MEGF11: variants seen among roughly 807,000 people sequenced by gnomAD.
MEGF11 encodes multiple epidermal growth factor-like domains protein 11.
In MEGF11, 126 loss-of-function variants were observed where a neutral mutation model predicts 146.6. The observed-to-expected ratio is 0.86, with a 90% confidence interval of 0.74 to 1.00. The LOEUF (loss-of-function observed/expected upper bound fraction) is 1.00. MEGF11 is among the 50% of genes least tolerant of loss of function. MEGF11 has a pLI of 0.00. For missense variants in MEGF11, 1,509 were observed against 1,521.2 expected (o/e 0.99, Z 0.13); for synonymous variants, 532 against 583.4 (o/e 0.91, Z 1.27).
chr15:66,068,968 C>T lies in MEGF11; in HGVS notation c.394+25434G>A, dbSNP rs1352003161. Among the ~76,000 whole-genome samples the T allele has an allele frequency of 5.3e-5, 8 of 152,226 alleles. No homozygotes were observed. The East Asian group carries it at 7.7e-4, about 15-fold the overall frequency. On this transcript the variant is annotated intron_variant, in intron 5 of 25. Transcript: ENST00000395614. ...CCCCTACTACAAGCCAGGGACACAG[C>T]GGTGAGACACCAGGGAGTGGCAGTG... is the stretch of plus-strand genomic sequence containing the variant.
chr15:65,922,772 C>G, intron 14 of MEGF11, 51 bp downstream of exon 14: 1 of 1,601,530 alleles, frequency 6.2e-7, no homozygotes. Flanking sequence ...CTGGAGAGGG[C>G]TAGGGAGGAT....
At chr15:65,976,130 C>A (rs1410012926) in intron 7 of MEGF11, among the ~76,000 whole-genome samples, 1 of 150,722 alleles carries the variant, frequency 6.6e-6, no homozygotes, top group Non-Finnish European at 1.5e-5. Context: ...GCAACCTCCA[C>A]CTCCCAGGTT....
chr15:66,096,823 G>A (rs898092878), intron 4 of MEGF11, among the ~76,000 whole-genome samples: 4 of 152,148 alleles, frequency 2.6e-5, no homozygotes, highest in African/African-American at 9.7e-5. Flanking sequence ...AGCTGGGGGG[G>A]AACAGCCTTC....
At chr15:65,903,343 A>G (rs1468131655) in intron 24 of MEGF11, among the ~76,000 whole-genome samples, 1 of 152,212 alleles carries the variant, frequency 6.6e-6, no homozygotes, top group Non-Finnish European at 1.5e-5. Context: ...TTGTTGCAGA[A>G]TCACTGTGCT....
At chr15:65,929,951 C>G in intron 11 of MEGF11, 68 bp from the exon 12 acceptor site, 2 of 1,463,952 alleles carry the variant, frequency 1.4e-6, no homozygotes, top group African/African-American at 1.4e-5. Flanking sequence ...CCCACTCCCC[C>G]CAGCTCTGCA....
intron 1 of MEGF11, among the ~76,000 whole-genome samples, chr15:66,252,411 A>T (rs1334789271): frequency 6.6e-6 from 1 of 152,148 alleles, no homozygotes; most frequent in Non-Finnish European, 1.5e-5. Flanking sequence ...TCTTGGAGGG[A>T]TGGAGAGTGG....
intron 1 of MEGF11, among the ~76,000 whole-genome samples, chr15:66,164,116 A>T (rs1162986689): frequency 6.6e-6 from 1 of 152,114 alleles, no homozygotes; most frequent in Non-Finnish European, 1.5e-5. Flanking sequence ...GTGGAGGTCC[A>T]TTGTGGCCTG....
In MEGF11 at chr15:66,094,296, C is replaced by T. The variant is rs113919335; in HGVS notation, c.394+106G>A. On this transcript the variant is annotated intron_variant, in intron 5 of 25. Transcript: ENST00000395614. ...TCACACAGGCCCAGGTAGCCCACCCCAAGTCGCCCCAGCACAACACAAAAA... is the reference window on the plus strand; with the variant it reads ...TCACACAGGCCCAGGTAGCCCACCCTAAGTCGCCCCAGCACAACACAAAAA... 1.9e-4 allele frequency: 165 copies of T among 875,822 alleles called. 1 individual carries two copies. In the African/African-American group the frequency reaches 2.1e-3, roughly 11 times the overall value. 54.3% of individuals were successfully genotyped at this position (875,822 alleles called of 1,614,324 possible).
At chr15:66,069,111 T>A (rs2085260531) in intron 5 of MEGF11, among the ~76,000 whole-genome samples, 1 of 152,190 alleles carries the variant, frequency 6.6e-6, no homozygotes, top group African/African-American at 2.4e-5. Context: ...GATAATGGTA[T>A]CCAGTAGGAT....
At chr15:65,930,769 C>T in intron 11 of MEGF11, 54 bp downstream of exon 11, 1 of 1,515,042 alleles carries the variant, frequency 6.6e-7, no homozygotes, top group Non-Finnish European at 8.9e-7. Context: ...GGCAGCACCA[C>T]CTGGGGAATG....
At chr15:66,052,842 C>A (rs770223585) in intron 5 of MEGF11, among the ~76,000 whole-genome samples, 2 of 152,182 alleles carry the variant, frequency 1.3e-5, no homozygotes, top group Non-Finnish European at 2.9e-5. Context: ...TAAAAAATAC[C>A]AAAGCTTAGC....
intron 9 of MEGF11, among the ~76,000 whole-genome samples, chr15:65,960,177 A>G (rs1393404378): frequency 1.3e-5 from 2 of 152,240 alleles, no homozygotes; most frequent in Non-Finnish European, 2.9e-5. Context: ...ATTTACCCCA[A>G]AATGGCTTTT....
chr15:65,963,151 G>C (rs1428068340), intron 9 of MEGF11, among the ~76,000 whole-genome samples: 2 of 152,172 alleles, frequency 1.3e-5, no homozygotes, highest in Non-Finnish European at 1.5e-5. Context: ...GTCTTGGAGA[G>C]GGTCCTCCCT....
chr15:66,236,807 C>T (rs2092103521), intron 1 of MEGF11, among the ~76,000 whole-genome samples: 1 of 152,168 alleles, frequency 6.6e-6, no homozygotes, highest in Non-Finnish European at 1.5e-5. Context: ...GGGGAGAACA[C>T]AACCCAGTTC....
At chr15:66,068,722 T>C (rs2085245294) in intron 5 of MEGF11, among the ~76,000 whole-genome samples, 1 of 152,200 alleles carries the variant, frequency 6.6e-6, no homozygotes, top group Non-Finnish European at 1.5e-5. Context: ...TGGTTGCTGC[T>C]GCTCTGTTCT....
At chr15:65,937,561 C>T (rs536656349) in intron 10 of MEGF11, among the ~76,000 whole-genome samples, 1 of 152,342 alleles carries the variant, frequency 6.6e-6, no homozygotes, top group East Asian at 1.9e-4. Context: ...TGTTAGTATT[C>T]TCCGCCTACA....
At chr15:66,209,150 A>G (rs1270960510) in intron 1 of MEGF11, among the ~76,000 whole-genome samples, 1 of 152,126 alleles carries the variant, frequency 6.6e-6, no homozygotes, top group East Asian at 1.9e-4. Context: ...GGAGATCGAG[A>G]CCATCCTGGC....
At chr15:66,000,532 T>G (rs995246122) in intron 5 of MEGF11, among the ~76,000 whole-genome samples, 7 of 142,868 alleles carry the variant, frequency 4.9e-5, no homozygotes, top group African/African-American at 1.8e-4. Context: ...AACTGTCTCT[T>G]TGAAAAAAAA....
intron 1 of MEGF11, among the ~76,000 whole-genome samples, chr15:66,209,987 T>C (rs1037629447): frequency 1.3e-5 from 2 of 152,124 alleles, no homozygotes. Context: ...ACCTGGCTAA[T>C]TTTTTACTTT....
Sources: allele counts gnomAD v4.1 joint callset (sites outside exome capture counted in the v4.1 genomes callset), GRCh38; gene constraint gnomAD v4.1.1; transcripts MANE v1.5; gene names NCBI Gene and HGNC (gene_info 2026-07-23, HGNC 2026-07-21).